The following THSD7B variants were observed in gnomAD, a reference collection of about 807,000 sequenced individuals.
The protein encoded by THSD7B is thrombospondin type 1 domain containing 7B.
Under a neutral mutation model 213.6 loss-of-function variants are expected in THSD7B, and 138 were observed. The ratio of observed to expected loss-of-function variants is 0.65; its 90% CI spans 0.56 to 0.74. The LOEUF is 0.74. Among genes scored for constraint, THSD7B ranks in the 30% least tolerant of loss-of-function variants. The pLI is 0.00. For missense variants in THSD7B, 1,931 were observed against 1,991.5 expected (o/e 0.97, Z 0.58); for synonymous variants, 742 against 687.0 (o/e 1.08, Z -1.25).
chr2:137,065,206 A>C (rs1044219218), intron 3 of THSD7B, among the ~76,000 whole-genome samples: 3 of 151,798 alleles, frequency 2.0e-5, no homozygotes, highest in African/African-American at 7.3e-5. Flanking sequence ...GGTGTTTTAT[A>C]GTTTTCATTG....
intron 16 of THSD7B, among the ~76,000 whole-genome samples, chr2:137,563,791 A>G (rs1422011337): frequency 1.3e-5 from 2 of 152,220 alleles, no homozygotes; most frequent in African/African-American, 4.8e-5. Context: ...CTTGGAAACT[A>G]AAGTCTGAGA....
At chr2:136,776,067 G>A (rs1417196012) in intron 1 of THSD7B, among the ~76,000 whole-genome samples, 1 of 152,080 alleles carries the variant, frequency 6.6e-6, no homozygotes, top group Non-Finnish European at 1.5e-5. Context: ...CCAAGAACTG[G>A]CCATGCTCTT....
chr2:136,790,466 A>G (rs1336637637), intron 1 of THSD7B, among the ~76,000 whole-genome samples: 1 of 152,096 alleles, frequency 6.6e-6, no homozygotes, highest in Non-Finnish European at 1.5e-5. Flanking sequence ...TGTTTTATCA[A>G]TAGTTTAAGT....
chr2:137,072,319 T>C (rs1453620191), intron 3 of THSD7B, among the ~76,000 whole-genome samples: 2 of 152,194 alleles, frequency 1.3e-5, no homozygotes, highest in Admixed American at 6.5e-5. Flanking sequence ...AAGAGGTCCT[T>C]CACATCCCTT....
intron 14 of THSD7B, among the ~76,000 whole-genome samples, chr2:137,432,423 T>C (rs112429566): frequency 6.8e-4 from 103 of 152,122 alleles, no homozygotes; most frequent in African/African-American, 2.4e-3. Context: ...AAAATAAAAA[T>C]TGTCGGCATA....
intron 17 of THSD7B, among the ~76,000 whole-genome samples, chr2:137,607,440 A>G (rs1191492569): frequency 6.6e-6 from 1 of 152,182 alleles, no homozygotes; most frequent in Non-Finnish European, 1.5e-5. Context: ...AATCCTAAAT[A>G]CAGGGATATT....
intron 12 of THSD7B, among the ~76,000 whole-genome samples, chr2:137,397,230 T>C (rs1686216250): frequency 1.3e-5 from 2 of 152,100 alleles, no homozygotes; most frequent in African/African-American, 4.8e-5. Context: ...GTGATTTTGC[T>C]TGTTAGTTGA....
chr2:137,203,876 CAG>C (rs1159361759), intron 7 of THSD7B, among the ~76,000 whole-genome samples: 4 of 152,096 alleles, frequency 2.6e-5, no homozygotes, highest in Admixed American at 6.6e-5. Context: ...ACTTTGCTCT[CAG>C]AGAACTTGAG....
chr2:137,567,755 A>G (rs754909754), intron 16 of THSD7B, among the ~76,000 whole-genome samples: 1 of 152,194 alleles, frequency 6.6e-6, no homozygotes, highest in Admixed American at 6.5e-5. Context: ...CATTAGAAGC[A>G]GGTTTGAGAT....
intron 1 of THSD7B, among the ~76,000 whole-genome samples, chr2:136,830,273 T>C (rs1455831942): frequency 1.3e-5 from 2 of 152,176 alleles, no homozygotes; most frequent in African/African-American, 4.8e-5. Context: ...ACAAATGAAA[T>C]TTTTTATGTA....
intron 12 of THSD7B, among the ~76,000 whole-genome samples, chr2:137,314,456 C>A (rs1406288457): frequency 6.6e-6 from 1 of 152,136 alleles, no homozygotes; most frequent in Non-Finnish European, 1.5e-5. Flanking sequence ...GTTTGAATGT[C>A]CTCCCATAGC....
Position 137,276,444 on chromosome 2 carries a change from T to A in THSD7B, c.2500+418T>A, listed in dbSNP as rs527558834. Among the ~76,000 whole-genome samples, 69 of 152,282 alleles carry A rather than the reference T, an allele frequency of 4.5e-4. No individual in the cohort carries two copies. The South Asian group carries it at 0.014, about 31-fold the overall frequency. Reference sequence around the variant, plus strand: ...AACTGAATGAATTGACTAATCTTAATGATCATAGGATATGTCTTAAATATA... The same window carrying A: ...AACTGAATGAATTGACTAATCTTAAAGATCATAGGATATGTCTTAAATATA... On this transcript the variant is annotated intron_variant, in intron 12 of 27. Transcript: ENST00000409968.
intron 1 of THSD7B, among the ~76,000 whole-genome samples, chr2:136,818,881 G>A (rs1480477210): frequency 7.9e-5 from 12 of 152,022 alleles, no homozygotes; most frequent in African/African-American, 1.5e-4. Flanking sequence ...TGTTATAAAG[G>A]AGAATTGTCA....
chr2:137,236,956 C>T (rs113155638), intron 9 of THSD7B, among the ~76,000 whole-genome samples: 1,769 of 151,998 alleles, frequency 0.012, 27 homozygotes, highest in African/African-American at 0.041. Flanking sequence ...ACTAAAAATA[C>T]AAAAATTAGC....
intron 2 of THSD7B, among the ~76,000 whole-genome samples, chr2:136,961,845 A>C (rs16837695): frequency 0.076 from 11,529 of 152,272 alleles, 1,047 homozygotes; most frequent in East Asian, 0.42. Context: ...AGTAACTTTA[A>C]GAATATAAAA....
intron 10 of THSD7B, among the ~76,000 whole-genome samples, chr2:137,260,964 T>G (rs540241200): frequency 2.0e-5 from 3 of 152,296 alleles, no homozygotes; most frequent in African/African-American, 7.2e-5. Flanking sequence ...CCAGGTTTAT[T>G]TTATTTTATT....
chr2:137,188,959 C>G (rs1680605738), intron 7 of THSD7B, among the ~76,000 whole-genome samples: 1 of 152,144 alleles, frequency 6.6e-6, no homozygotes, highest in Non-Finnish European at 1.5e-5. Context: ...CCCCATTTAT[C>G]CCCATTGTCC....
chr2:137,211,984 T>C (rs1297370842), intron 7 of THSD7B, among the ~76,000 whole-genome samples: 1 of 152,038 alleles, frequency 6.6e-6, no homozygotes, highest in Non-Finnish European at 1.5e-5. Flanking sequence ...ATGCTGGAGC[T>C]AAATAAACAA....
intron 15 of THSD7B, among the ~76,000 whole-genome samples, chr2:137,540,174 A>G (rs1680584366): frequency 6.6e-6 from 1 of 151,710 alleles, no homozygotes; most frequent in South Asian, 2.1e-4. Flanking sequence ...TAAATACATG[A>G]ATGAGCATGG....
Sources: allele counts gnomAD v4.1 joint callset (sites outside exome capture counted in the v4.1 genomes callset), GRCh38; gene constraint gnomAD v4.1.1; transcripts MANE v1.5; gene names NCBI Gene and HGNC (gene_info 2026-07-23, HGNC 2026-07-21).